The following NEBL variants were observed in gnomAD, a reference collection of about 807,000 sequenced individuals.
The protein encoded by NEBL is LIM and SH3 protein 2.
Under a neutral mutation model 140.2 loss-of-function variants are expected in NEBL, and 122 were observed. That is an observed-to-expected ratio of 0.87 (90% confidence interval 0.75 to 1.01). The LOEUF (loss-of-function observed/expected upper bound fraction) is 1.01. Ranked by LOEUF, NEBL falls within the 50% of genes least tolerant of loss-of-function variation. The pLI is 0.00. For synonymous variants in NEBL, 436 were observed against 398.9 expected (o/e 1.09, Z -1.11); for missense variants, 1,365 against 1,231.3 (o/e 1.11, Z -1.62).
intron 2 of NEBL, among the ~76,000 whole-genome samples, chr10:21,098,343 T>A (rs1837299689): frequency 6.6e-6 from 1 of 152,166 alleles, no homozygotes; most frequent in South Asian, 2.1e-4. Flanking sequence ...AAACTATGAC[T>A]CTTTCCTCTT....
intron 2 of NEBL, among the ~76,000 whole-genome samples, chr10:21,025,594 A>T (rs72790578): frequency 0.051 from 7,733 of 152,280 alleles, 204 homozygotes; most frequent in Non-Finnish European, 0.059. Context: ...GCAAATGGCA[A>T]CCTCCATGGA....
At chr10:20,941,128 A>G (rs991606421) in intron 4 of NEBL, among the ~76,000 whole-genome samples, 5 of 152,306 alleles carry the variant, frequency 3.3e-5, no homozygotes, top group African/African-American at 1.2e-4. Flanking sequence ...GCAGAGACAC[A>G]ACAAAAAAAG....
chr10:21,199,309 A>G (rs1841698803), intron 3 of NEBL, among the ~76,000 whole-genome samples: 1 of 152,180 alleles, frequency 6.6e-6, no homozygotes, highest in Non-Finnish European at 1.5e-5. Context: ...CTGGGATTAC[A>G]AGAGTGAGCC....
At chr10:20,933,065 A>G (rs896850191) in intron 4 of NEBL, among the ~76,000 whole-genome samples, 1 of 148,014 alleles carries the variant, frequency 6.8e-6, no homozygotes, top group African/African-American at 2.5e-5. Context: ...TTTGCATGAC[A>G]AAAAAAAAAG....
chr10:21,010,604 T>TGA (rs1838300992), intron 3 of NEBL, among the ~76,000 whole-genome samples: 1 of 132,788 alleles, frequency 7.5e-6, no homozygotes, highest in Admixed American at 7.0e-5. Context: ...GCAAAGCCAT[T>TGA]CAAAAAAAAA....
At chr10:21,200,017 G>C (rs555035248) in intron 3 of NEBL, among the ~76,000 whole-genome samples, 1 of 152,072 alleles carries the variant, frequency 6.6e-6, no homozygotes, top group African/African-American at 2.4e-5. Context: ...TCATCTACTT[G>C]TCTCAGTCCA....
intron 2 of NEBL, among the ~76,000 whole-genome samples, chr10:21,142,303 C>T (rs540625678): frequency 1.3e-5 from 2 of 152,284 alleles, no homozygotes; most frequent in South Asian, 2.1e-4. Context: ...TCTACTAGCA[C>T]AGCCTGAGCC....
In NEBL at chr10:21,173,640, GTGCCAAGGCACACGC is replaced by G; in HGVS notation, c.69+110_69+124del. ...GTCTTCGTTCGCGCGCCCTCCCCCC[GTGCCAAGGCACACGC>G]ACACGCACCGACCCACTCATTGCTT... On this transcript the variant is annotated intron_variant, in intron 1 of 6. Coordinates refer to the NEBL transcript ENST00000417816. This position sits in a 1 kb window ranked among gnomAD's most constrained non-coding sequence, Gnocchi z 5.7. 6.6e-7 allele frequency: 1 copy of G among 1,511,388 alleles called. No homozygotes were observed. The highest frequency in any genetic ancestry group is 1.2e-5 in the South Asian group (1 of 86,448). 93.6% of individuals were successfully genotyped at this position (1,511,388 alleles called of 1,614,324 possible). A position where few individuals can be genotyped will look rare whatever the true frequency, so the allele number is the denominator to read the frequency against.
At chr10:21,109,752 A>G (rs1353654033) in intron 2 of NEBL, among the ~76,000 whole-genome samples, 1 of 152,138 alleles carries the variant, frequency 6.6e-6, no homozygotes, top group Non-Finnish European at 1.5e-5. Flanking sequence ...CCAGGAATTC[A>G]TCCATTTCTT....
At position 20,783,026 on chromosome 10, in the gene NEBL, T is replaced by C. The variant is rs71535733; in HGVS notation, c.*2721A>G. ...ATCAAACTTTAGAAAGTCAGGTGCATGCTCTCTGTGCTTGGACATTTACAC... is the reference window on the plus strand; with the variant it reads ...ATCAAACTTTAGAAAGTCAGGTGCACGCTCTCTGTGCTTGGACATTTACAC... On this transcript the variant is annotated 3_prime_UTR_variant, in exon 28 of 28. Coordinates refer to ENST00000377122, the MANE Select transcript of NEBL (RefSeq NM_006393.3). The C allele has an allele frequency of 6.8e-4, 104 of 152,748 alleles. No individual in the cohort carries two copies. Among genetic ancestry groups the C allele is most frequent in the African/African-American group, 2.4e-3 (100 of 41,568 alleles). 9.5% of individuals were successfully genotyped at this position (152,748 alleles called of 1,614,324 possible).
intron 10 of NEBL, among the ~76,000 whole-genome samples, chr10:20,851,593 G>A (rs987965481): frequency 1.3e-5 from 2 of 150,064 alleles, no homozygotes; most frequent in African/African-American, 4.9e-5. Context: ...GGCCAATATA[G>A]TGAAACCCCG....
At chr10:20,923,844 A>G (rs1381128840) in intron 4 of NEBL, among the ~76,000 whole-genome samples, 1 of 151,942 alleles carries the variant, frequency 6.6e-6, no homozygotes, top group Non-Finnish European at 1.5e-5. Flanking sequence ...CTTGACTTAG[A>G]GCTCCTCATA....
Position 20,808,594 on chromosome 10 carries a change from G to A in NEBL, c.2677C>T (p.Leu893Phe). ...GAGATTTCTGACCTGTCGTCTCCGA[G>A]ACCTGTACCGAAAGTACTGCTGGAA... ...SHSSSTFGTG[L>F]GDDRSEISEI... The change falls in exon 26 of 28, where the codon CTC becomes TTC. Residue 893 changes from leucine to phenylalanine, a missense_variant. By Grantham distance (22) the Leu-to-Phe change is conservative. Coordinates refer to ENST00000377122, the MANE Select transcript of NEBL (RefSeq NM_006393.3). The A allele has an allele frequency of 6.2e-7, 1 of 1,613,550 alleles. No homozygotes were observed. Among genetic ancestry groups the A allele is most frequent in the Non-Finnish European group, 8.5e-7 (1 of 1,179,530 alleles).
At chr10:21,103,063 A>T (rs761715610) in intron 2 of NEBL, among the ~76,000 whole-genome samples, 19 of 148,544 alleles carry the variant, frequency 1.3e-4, no homozygotes, top group Non-Finnish European at 2.4e-4. Flanking sequence ...CTCTTCGAAA[A>T]CTATCTTGGA....
intron 2 of NEBL, among the ~76,000 whole-genome samples, chr10:21,144,899 T>C (rs1179934034): frequency 7.2e-6 from 1 of 139,260 alleles, no homozygotes; most frequent in Non-Finnish European, 1.6e-5. Flanking sequence ...AAAAAGTATA[T>C]AAAATGAAAT....
At chr10:21,260,461 T>G (rs1416350796) in intron 1 of NEBL, among the ~76,000 whole-genome samples, 6 of 150,910 alleles carry the variant, frequency 4.0e-5, no homozygotes. Context: ...TTTAGATAAT[T>G]TCCTCTTTTT....
chr10:21,000,378 C>T (rs1427869448), intron 3 of NEBL, among the ~76,000 whole-genome samples: 1 of 152,006 alleles, frequency 6.6e-6, no homozygotes, highest in Non-Finnish European at 1.5e-5. Context: ...CCATGCTGCA[C>T]TATGGTAGGG....
In NEBL at chr10:20,840,785, A is replaced by G. The variant is rs367984353; in HGVS notation, c.1292T>C (p.Val431Ala). Reference protein sequence around the residue: ...KGKGMELNSEVLDIQRAKRAS... With the variant: ...KGKGMELNSEALDIQRAKRAS... Reference sequence around the variant, plus strand: ...TCGCTTTGCTCTTTGGATATCAAGAACTTCTGAATTAAGTTCCATTCCTTT... The same window carrying G: ...TCGCTTTGCTCTTTGGATATCAAGAGCTTCTGAATTAAGTTCCATTCCTTT... The change falls in exon 13 of 28, where the codon GTT (valine) becomes GCT (alanine). Residue 431 changes from valine (V) to alanine (A), a missense_variant. Val to Ala is a moderately conservative substitution (Grantham distance 64). Around this residue, in one of 2 missense-constraint regions of NEBL, gnomAD observed 1,323 missense variants for 1,154.8 expected, o/e 1.15. Transcript: ENST00000377122. 2 of 1,612,040 alleles carry G rather than the reference A, an allele frequency of 1.2e-6. No individual in the cohort carries two copies. The highest frequency in any genetic ancestry group is 1.7e-6 in the Non-Finnish European group (2 of 1,178,598).
At chr10:21,291,758 C>CA (rs1030170101) in intron 1 of NEBL, among the ~76,000 whole-genome samples, 4 of 149,906 alleles carry the variant, frequency 2.7e-5, no homozygotes, top group South Asian at 2.1e-4. Context: ...ACTAAAAATA[C>CA]AAAAAAATTA....
Sources: allele counts gnomAD v4.1 joint callset (sites outside exome capture counted in the v4.1 genomes callset), GRCh38; gene constraint gnomAD v4.1.1; regional missense constraint gnomAD v4.1.1; non-coding constraint Gnocchi (gnomAD v3.1); transcripts MANE v1.5; gene names NCBI Gene and HGNC (gene_info 2026-07-23, HGNC 2026-07-21).